The following NTM variants were observed in gnomAD, a reference collection of about 807,000 sequenced individuals.
NTM encodes the protein IgLON family member 2.
In NTM, 13 loss-of-function variants were observed where a neutral mutation model predicts 42.1. The observed-to-expected ratio is 0.31, with a 90% CI of 0.20 to 0.49. The LOEUF is 0.49. Among genes scored for constraint, NTM ranks in the 20% least tolerant of loss-of-function variants. The pLI, the probability that NTM is intolerant of heterozygous loss-of-function variation, is 0.99. For missense variants in NTM, 373 were observed against 452.8 expected (o/e 0.82, Z 1.60); for synonymous variants, 187 against 179.2 (o/e 1.04, Z -0.35).
At chr11:132,111,520 C>T (rs1311542141) in intron 2 of NTM, among the ~76,000 whole-genome samples, 1 of 152,122 alleles carries the variant, frequency 6.6e-6, no homozygotes, top group Non-Finnish European at 1.5e-5. Flanking sequence ...AAGCATCAGG[C>T]ATCGAGGAGC....
At chr11:131,425,873 T>C (rs1948084055) in intron 1 of NTM, among the ~76,000 whole-genome samples, 1 of 152,136 alleles carries the variant, frequency 6.6e-6, no homozygotes, top group African/African-American at 2.4e-5. Context: ...AATAAAGTTA[T>C]TTGCAACTGT....
chr11:132,196,441 G>C (rs1031059062), intron 3 of NTM, among the ~76,000 whole-genome samples: 1 of 151,946 alleles, frequency 6.6e-6, no homozygotes, highest in Non-Finnish European at 1.5e-5. Context: ...TTGTTACTGG[G>C]TATATACCAC....
intron 2 of NTM, among the ~76,000 whole-genome samples, chr11:131,924,710 AC>A (rs2057715814): frequency 6.6e-6 from 1 of 152,132 alleles, no homozygotes; most frequent in Non-Finnish European, 1.5e-5. Flanking sequence ...CAGGGCTCAC[AC>A]CCCCACCCAC....
chr11:131,460,179 G>A (rs748218981), intron 1 of NTM, among the ~76,000 whole-genome samples: 4 of 152,118 alleles, frequency 2.6e-5, no homozygotes, highest in Non-Finnish European at 5.9e-5. Context: ...GCCCTGCATG[G>A]CCCAGATGAT....
chr11:131,414,685 C>A (rs1452354131), intron 1 of NTM, among the ~76,000 whole-genome samples: 3 of 152,168 alleles, frequency 2.0e-5, no homozygotes, highest in Non-Finnish European at 4.4e-5. Flanking sequence ...ATGTGATGGA[C>A]TGCTGCCAGT....
intron 4 of NTM, among the ~76,000 whole-genome samples, chr11:132,277,635 A>G (rs76408465): frequency 3.5e-4 from 54 of 152,356 alleles, no homozygotes; most frequent in African/African-American, 1.3e-3. Flanking sequence ...GTTGGATGCC[A>G]TAATTATATT....
rs75190992 is a variant in NTM at position 131,739,866 on chromosome 11, A to T, written c.83-171698A>T. ...CTATAGCAGCAGCTTGAAGATGAAG[A>T]CCCTGGAAAACCATGAGCAAGGGGG... On this transcript the variant is annotated intron_variant, in intron 1 of 8. Transcript: ENST00000683400. Among the ~76,000 whole-genome samples, 248 of 152,278 alleles carry T rather than the reference A, an allele frequency of 1.6e-3. 1 individual carries two copies. Among genetic ancestry groups the T allele is most frequent in the African/African-American group, 5.7e-3 (237 of 41,552 alleles).
At chr11:131,761,439 G>A (rs946045339) in intron 1 of NTM, among the ~76,000 whole-genome samples, 10 of 152,130 alleles carry the variant, frequency 6.6e-5, no homozygotes, top group East Asian at 1.9e-4. Flanking sequence ...TGGAGATGGG[G>A]CCTTTGAGAG....
chr11:132,252,323 T>A (rs2139396346), intron 4 of NTM, among the ~76,000 whole-genome samples: 1 of 152,174 alleles, frequency 6.6e-6, no homozygotes, highest in South Asian at 2.1e-4. Flanking sequence ...CTGTAACAAA[T>A]TCTTAATTTG....
At chr11:132,239,945 A>G (rs892731761) in intron 4 of NTM, among the ~76,000 whole-genome samples, 4 of 152,062 alleles carry the variant, frequency 2.6e-5, no homozygotes, top group Admixed American at 2.0e-4. Flanking sequence ...TCATTTATCC[A>G]TCCATTCATC....
At chr11:131,548,342 A>G (rs1478399974) in intron 1 of NTM, among the ~76,000 whole-genome samples, 1 of 152,176 alleles carries the variant, frequency 6.6e-6, no homozygotes, top group Non-Finnish European at 1.5e-5. Flanking sequence ...CAGTACATCC[A>G]GGTGATGCCT....
chr11:132,201,273 T>G (rs1194669728), intron 3 of NTM, among the ~76,000 whole-genome samples: 1 of 152,166 alleles, frequency 6.6e-6, no homozygotes, highest in Non-Finnish European at 1.5e-5. Flanking sequence ...TTTTGGAGAT[T>G]GTGGAAAAAG....
At chr11:131,449,108 C>T (rs917660247) in intron 1 of NTM, among the ~76,000 whole-genome samples, 13 of 152,232 alleles carry the variant, frequency 8.5e-5, no homozygotes, top group South Asian at 8.3e-4. Context: ...GTCTCTGGTG[C>T]TTCTGAGCTA....
intron 1 of NTM, among the ~76,000 whole-genome samples, chr11:131,858,412 A>AG (rs768075184): frequency 1.4e-4 from 22 of 151,966 alleles, no homozygotes; most frequent in Admixed American, 4.6e-4. Context: ...CTAAGAGCAG[A>AG]GGGGAATGCT....
intron 4 of NTM, among the ~76,000 whole-genome samples, chr11:132,227,282 A>G (rs2086509750): frequency 6.6e-6 from 1 of 152,228 alleles, no homozygotes; most frequent in South Asian, 2.1e-4. Context: ...AAGTCCAGGG[A>G]GATGAGGATT....
rs148135063 is a variant in NTM at position 131,560,294 on chromosome 11, T to C, written c.82+189406T>C. Among the ~76,000 whole-genome samples the C allele has an allele frequency of 2.0e-5, 3 of 152,186 alleles. No individual in the cohort carries two copies. The East Asian group carries it at 5.8e-4, about 29-fold the overall frequency. ...GATCCCGTTCTTCCTCACTTTGAGA[T>C]TGCAGAGATAGCTACCTGAACGCAG... On this transcript the variant is annotated intron_variant, in intron 1 of 8. Coordinates refer to ENST00000683400, the MANE Select transcript of NTM (RefSeq NM_001352005.2).
intron 2 of NTM, among the ~76,000 whole-genome samples, chr11:131,913,157 C>G (rs555029105): frequency 1.3e-5 from 2 of 152,250 alleles, no homozygotes; most frequent in South Asian, 4.1e-4. Flanking sequence ...TGATTTCAGA[C>G]TACTTAAATA....
intron 8 of NTM, among the ~76,000 whole-genome samples, chr11:132,330,531 C>T (rs2095783390): frequency 6.6e-6 from 1 of 152,158 alleles, no homozygotes; most frequent in Admixed American, 6.5e-5. Context: ...CTTCTCAGAC[C>T]TTGGCCCTGC....
intron 1 of NTM, among the ~76,000 whole-genome samples, chr11:131,831,445 T>A (rs1008498174): frequency 7.2e-5 from 11 of 152,066 alleles, no homozygotes; most frequent in Non-Finnish European, 1.2e-4. Flanking sequence ...GGCTGGAAAA[T>A]GGCAGAATCT....
Sources: allele counts gnomAD v4.1 joint callset (sites outside exome capture counted in the v4.1 genomes callset), GRCh38; gene constraint gnomAD v4.1.1; transcripts MANE v1.5; gene names NCBI Gene and HGNC (gene_info 2026-07-23, HGNC 2026-07-21).